The following ASTN1 variants were observed in gnomAD, a reference collection of about 807,000 sequenced individuals.
The protein encoded by ASTN1 is astrotactin-1.
In ASTN1, 41 loss-of-function variants were observed where a neutral mutation model predicts 140.7. That is an observed-to-expected ratio of 0.29 (90% CI 0.23 to 0.38). The LOEUF (loss-of-function observed/expected upper bound fraction) is 0.38, where lower values mean the gene tolerates loss of function less well. Ranked by LOEUF, ASTN1 falls within the 10% of genes least tolerant of loss-of-function variation. The pLI, the probability that ASTN1 is intolerant of heterozygous loss-of-function variation, is 1.00. For missense variants in ASTN1, 1,479 were observed against 1,678.8 expected (o/e 0.88, Z 2.08); for synonymous variants, 640 against 652.2 (o/e 0.98, Z 0.29).
At chr1:177,150,267 T>C (rs1682969178) in intron 1 of ASTN1, among the ~76,000 whole-genome samples, 1 of 152,000 alleles carries the variant, frequency 6.6e-6, no homozygotes, top group Non-Finnish European at 1.5e-5. Flanking sequence ...TAAAAAGTAA[T>C]AAGCAATTTT....
rs1256273283 is a variant in ASTN1, at chr1:176,861,212, T to C, written c.*3072A>G. On this transcript the variant is annotated 3_prime_UTR_variant, in exon 23 of 23. Coordinates refer to ENST00000361833, the MANE Select transcript of ASTN1 (RefSeq NM_004319.3). ...CTTCTGCAGTAGTAAAGTGTTTTTC[T>C]TCATACTCAGTTTTTTTAATAGAAC... The C allele has an allele frequency of 2.4e-5, 23 of 977,672 alleles. No homozygotes were observed. The highest frequency in any genetic ancestry group is 2.8e-5 in the Non-Finnish European group (23 of 822,622). The allele number at this position is 977,672 out of a possible 1,614,324, so 60.6% of individuals were successfully genotyped here. A position where few individuals can be genotyped will look rare whatever the true frequency, so the allele number is the denominator to read the frequency against.
At chr1:176,935,050 C>T (rs1671380187) in intron 15 of ASTN1, among the ~76,000 whole-genome samples, 1 of 152,226 alleles carries the variant, frequency 6.6e-6, no homozygotes, top group South Asian at 2.1e-4. Flanking sequence ...GGCAAATCTT[C>T]TTGGATTTGC....
chr1:177,131,737 G>A (rs1681950964), intron 1 of ASTN1, among the ~76,000 whole-genome samples: 1 of 152,154 alleles, frequency 6.6e-6, no homozygotes, highest in Admixed American at 6.5e-5. Flanking sequence ...GAAAAGAGAC[G>A]TATTTGGCTC....
At chr1:176,910,845 G>A (rs1204968887) in intron 16 of ASTN1, among the ~76,000 whole-genome samples, 6 of 152,204 alleles carry the variant, frequency 3.9e-5, no homozygotes, top group African/African-American at 1.4e-4. Context: ...GGTGGCATTA[G>A]ATTCTCATAG....
At chr1:177,148,318 T>A (rs1403980006) in intron 1 of ASTN1, among the ~76,000 whole-genome samples, 1 of 150,824 alleles carries the variant, frequency 6.6e-6, no homozygotes, top group East Asian at 2.0e-4. Context: ...CTCAGGAGGC[T>A]GAGGCAGGAG....
At chr1:176,897,651 G>A (rs1219044220) in intron 16 of ASTN1, among the ~76,000 whole-genome samples, 1 of 152,136 alleles carries the variant, frequency 6.6e-6, no homozygotes, top group Non-Finnish European at 1.5e-5. Flanking sequence ...TTAAAAAAAT[G>A]TTGTGGAGGT....
At chr1:177,050,645 C>A (rs541217532) in intron 2 of ASTN1, among the ~76,000 whole-genome samples, 1 of 152,146 alleles carries the variant, frequency 6.6e-6, no homozygotes, top group Non-Finnish European at 1.5e-5. Flanking sequence ...ACAGGTAAGC[C>A]ATTTAACAAA....
intron 9 of ASTN1, among the ~76,000 whole-genome samples, chr1:176,960,405 C>A (rs1459911169): frequency 6.6e-6 from 1 of 152,176 alleles, no homozygotes; most frequent in African/African-American, 2.4e-5. Flanking sequence ...TGATGCAGAG[C>A]AACAAATCTG....
intron 1 of ASTN1, among the ~76,000 whole-genome samples, chr1:177,123,100 G>GTGCTA (rs1234066782): frequency 1.3e-5 from 2 of 152,070 alleles, no homozygotes; most frequent in Non-Finnish European, 2.9e-5. Context: ...TTGACCACAG[G>GTGCTA]GTCAGGTGCT....
chr1:176,912,778 A>G (rs929915616), intron 16 of ASTN1, among the ~76,000 whole-genome samples: 2 of 152,232 alleles, frequency 1.3e-5, no homozygotes, highest in Non-Finnish European at 2.9e-5. Context: ...ATCTAAAAGT[A>G]GTTTTAACAA....
At chr1:176,967,521 C>T (rs903957896) in intron 8 of ASTN1, among the ~76,000 whole-genome samples, 3 of 152,120 alleles carry the variant, frequency 2.0e-5, no homozygotes, top group Non-Finnish European at 2.9e-5. Flanking sequence ...AAATAACATA[C>T]ATTTTGCCTT....
At position 176,863,969 on chromosome 1, in the gene ASTN1, G is replaced by A. The variant is rs1668047931; in HGVS notation, c.*315C>T. ...TCATGGGGAGCACGGCAGAGCTCTT[G>A]AGCATTTTGGTAAACTTCTCAGGGA... On this transcript the variant is annotated 3_prime_UTR_variant, in exon 23 of 23. Coordinates refer to ENST00000361833, the MANE Select transcript of ASTN1 (RefSeq NM_004319.3). The A allele has an allele frequency of 2.6e-6, 3 of 1,135,238 alleles. No individual in the cohort carries two copies. The highest frequency in any genetic ancestry group is 3.3e-6 in the Non-Finnish European group (3 of 920,642). The allele number at this position is 1,135,238 out of a possible 1,614,324, so 70.3% of individuals were successfully genotyped here.
chr1:176,898,173 G>A (rs911803701), intron 16 of ASTN1, among the ~76,000 whole-genome samples: 2 of 152,196 alleles, frequency 1.3e-5, no homozygotes, highest in Admixed American at 6.5e-5. Flanking sequence ...AGCAAGATTA[G>A]GGAGTAGAGA....
At chr1:177,016,939 G>C (rs1675574143) in intron 7 of ASTN1, among the ~76,000 whole-genome samples, 1 of 152,188 alleles carries the variant, frequency 6.6e-6, no homozygotes, top group Non-Finnish European at 1.5e-5. Flanking sequence ...GTAACCTTAG[G>C]AGTTTGTCAA....
rs144133234 is a variant in ASTN1, at chr1:176,994,322, C to T, written c.1523+20469G>A. Among the ~76,000 whole-genome samples the T allele has an allele frequency of 4.1e-3, 629 of 152,118 alleles. 5 individuals are homozygous for T. The highest frequency in any genetic ancestry group is 0.014 in the African/African-American group (600 of 41,524). On this transcript the variant is annotated intron_variant, in intron 8 of 22. Transcript: ENST00000361833. ...ACCCTGCATTTACTTTTCCTCTTTC[C>T]TGTCTCAATTATCTTTTCCCCTCAC...
intron 8 of ASTN1, 91 bp downstream of exon 8, chr1:177,014,700 T>C: frequency 2.5e-6 from 3 of 1,220,460 alleles, no homozygotes; most frequent in Non-Finnish European, 3.6e-6. Flanking sequence ...ACCCTTTAGC[T>C]CTATTCCTCT....
intron 1 of ASTN1, among the ~76,000 whole-genome samples, chr1:177,099,211 C>T (rs1417310153): frequency 6.6e-6 from 1 of 152,152 alleles, no homozygotes; most frequent in African/African-American, 2.4e-5. Flanking sequence ...TTTATGTACT[C>T]TCTTTTTTCC....
At chr1:176,999,907 T>C (rs112981914) in intron 8 of ASTN1, among the ~76,000 whole-genome samples, 311 of 152,272 alleles carry the variant, frequency 2.0e-3, no homozygotes, top group African/African-American at 7.1e-3. Flanking sequence ...TCCCCAGCCA[T>C]GTGGAACTGT....
chr1:176,883,039 G>A (rs745334418), intron 19 of ASTN1, 45 bp from the exon 20 acceptor site: 28 of 1,610,700 alleles, frequency 1.7e-5, no homozygotes, highest in East Asian at 8.9e-5. Context: ...AAACAATGAC[G>A]GCCAAGCAAT....
Sources: allele counts gnomAD v4.1 joint callset (sites outside exome capture counted in the v4.1 genomes callset), GRCh38; gene constraint gnomAD v4.1.1; transcripts MANE v1.5; gene names NCBI Gene and HGNC (gene_info 2026-07-23, HGNC 2026-07-21).